Variants in CTNND2 observed in about 807,000 individuals in gnomAD.
CTNND2 encodes catenin delta 2.
CTNND2 carries 22 observed loss-of-function variants against 144.4 expected under a neutral mutation model. The observed-to-expected ratio is 0.15, with a 90% CI of 0.11 to 0.22. The LOEUF (loss-of-function observed/expected upper bound fraction) is 0.22, where lower values mean the gene tolerates loss of function less well. Among genes scored for constraint, CTNND2 ranks in the 10% least tolerant of loss-of-function variants. CTNND2 has a pLI of 1.00. For synonymous variants in CTNND2, 751 were observed against 695.6 expected, an observed-to-expected ratio of 1.08 and a Z score of -1.25; for missense variants, 1,353 against 1,618.8, an observed-to-expected ratio of 0.84 and a Z score of 2.82.
chr5:11,719,033 A>C (rs1786514029), intron 2 of CTNND2, among the ~76,000 whole-genome samples: 1 of 152,220 alleles, frequency 6.6e-6, no homozygotes, highest in African/African-American at 2.4e-5. Context: ...TGTGTTTGTA[A>C]AATGTGTGTT....
At chr5:11,705,373 G>A (rs184532700) in intron 2 of CTNND2, among the ~76,000 whole-genome samples, 9 of 152,272 alleles carry the variant, frequency 5.9e-5, no homozygotes, top group African/African-American at 2.2e-4. Flanking sequence ...AAGAGAAAAA[G>A]CTAATGTAAT....
intron 9 of CTNND2, among the ~76,000 whole-genome samples, chr5:11,259,668 C>T (rs1464351385): frequency 6.6e-6 from 1 of 152,118 alleles, no homozygotes; most frequent in Admixed American, 6.6e-5. Context: ...ATGTTGTTCT[C>T]GAGTCATGTT....
intron 7 of CTNND2, among the ~76,000 whole-genome samples, chr5:11,377,113 C>T (rs567566262): frequency 6.6e-5 from 10 of 151,456 alleles, no homozygotes; most frequent in South Asian, 6.3e-4. Context: ...TGCAATGGCA[C>T]GATCTTGGCT....
chr5:11,688,083 T>C (rs537680549), intron 2 of CTNND2, among the ~76,000 whole-genome samples: 6 of 152,254 alleles, frequency 3.9e-5, no homozygotes, highest in African/African-American at 1.4e-4. Context: ...CAGATCATAG[T>C]GGTTTGGGGG....
chr5:11,770,618 C>T (rs1247345533), intron 1 of CTNND2, among the ~76,000 whole-genome samples: 1 of 152,112 alleles, frequency 6.6e-6, no homozygotes, highest in Non-Finnish European at 1.5e-5. Context: ...CTTTCCTGCA[C>T]CCCTTCCCCT....
intron 16 of CTNND2, among the ~76,000 whole-genome samples, chr5:11,049,237 ACCT>A (rs1179338330): frequency 6.6e-6 from 1 of 151,946 alleles, no homozygotes; most frequent in Non-Finnish European, 1.5e-5. Flanking sequence ...TGCCTCAATA[ACCT>A]CCTAAGCTCC....
In CTNND2 at chr5:11,130,755, C is replaced by T. The variant is rs542540074; in HGVS notation, c.2160-13188G>A. ...AGGCATTGATTTTTTCATGACCGGA[C>T]GACGTCTCAAGCTTGGAGTAACGCC... On this transcript the variant is annotated intron_variant, in intron 12 of 21. Coordinates refer to ENST00000304623, the MANE Select transcript of CTNND2 (RefSeq NM_001332.4). Among the ~76,000 whole-genome samples the T allele has an allele frequency of 2.0e-4, 31 of 152,230 alleles. No homozygotes were observed. In the South Asian group the frequency reaches 4.6e-3, roughly 22 times the overall value.
At chr5:11,745,836 C>A (rs973524504) in intron 1 of CTNND2, among the ~76,000 whole-genome samples, 1 of 152,156 alleles carries the variant, frequency 6.6e-6, no homozygotes, top group Non-Finnish European at 1.5e-5. Context: ...ACAGAGGTTT[C>A]CAAACTTTCT....
At chr5:11,708,103 G>A (rs1394815201) in intron 2 of CTNND2, among the ~76,000 whole-genome samples, 1 of 151,336 alleles carries the variant, frequency 6.6e-6, no homozygotes, top group Admixed American at 6.6e-5. Context: ...TTGGAGTTCA[G>A]TGGTGTGTTC....
rs567664652 is a variant in CTNND2 at position 11,474,077 on chromosome 5, A to G, written c.288-62008T>C. Among the ~76,000 whole-genome samples the G allele has an allele frequency of 2.0e-5, 3 of 152,368 alleles. No homozygotes were observed. In the East Asian group the frequency reaches 5.8e-4, roughly 29 times the overall value. On this transcript the variant is annotated intron_variant, in intron 3 of 21. Transcript: ENST00000304623. ...GGGTCCACAAAAGGAGCACCTGTAT[A>G]TGATCATTATTTGGTTTAAACTGAC...
intron 16 of CTNND2, among the ~76,000 whole-genome samples, chr5:11,057,934 C>T (rs997218560): frequency 1.1e-4 from 17 of 152,176 alleles, no homozygotes; most frequent in Non-Finnish European, 2.1e-4. Context: ...TTTGCCCCTG[C>T]CCTAGAGATT....
rs4623143 is a variant in CTNND2, at chr5:11,728,248, G to A, written c.174+3888C>T. Among the ~76,000 whole-genome samples, 882 of 152,238 alleles carry A rather than the reference G, an allele frequency of 5.8e-3. 10 individuals are homozygous for A. The highest frequency in any genetic ancestry group is 0.02 in the African/African-American group (842 of 41,556). On this transcript the variant is annotated intron_variant, in intron 2 of 21. Transcript: ENST00000304623. Reference sequence around the variant, plus strand: ...AGCACTTTGGGAGGCCGAGGCTGGTGGGTCATGAGGTCAGGAGTTTGAGAC... The same window carrying A: ...AGCACTTTGGGAGGCCGAGGCTGGTAGGTCATGAGGTCAGGAGTTTGAGAC...
At chr5:11,886,975 C>CTTTTTTTTT (rs36178842) in intron 1 of CTNND2, among the ~76,000 whole-genome samples, 4 of 83,600 alleles carry the variant, frequency 4.8e-5, no homozygotes, top group Non-Finnish European at 7.2e-5. Context: ...TATCCTACTG[C>CTTTTTTTTT]TTTTTTTTTT....
intron 21 of CTNND2, among the ~76,000 whole-genome samples, chr5:10,975,283 G>A (rs1401014356): frequency 1.3e-5 from 2 of 152,266 alleles, no homozygotes; most frequent in East Asian, 3.9e-4. Context: ...TAGAAGTTTG[G>A]AAAAATTATA....
intron 5 of CTNND2, among the ~76,000 whole-genome samples, chr5:11,403,853 T>A (rs1760841009): frequency 6.6e-6 from 1 of 152,372 alleles, no homozygotes; most frequent in South Asian, 2.1e-4. Flanking sequence ...CTTTGATTTG[T>A]GACACATCAC....
intron 3 of CTNND2, among the ~76,000 whole-genome samples, chr5:11,529,071 A>ATGCAAATAGCT (rs1773516748): frequency 1.3e-5 from 2 of 152,202 alleles, no homozygotes; most frequent in Non-Finnish European, 2.9e-5. Context: ...AGGAAATAGC[A>ATGCAAATAGCT]ATGCGGAAAA....
At chr5:11,822,927 C>T (rs926740590) in intron 1 of CTNND2, among the ~76,000 whole-genome samples, 12 of 152,094 alleles carry the variant, frequency 7.9e-5, no homozygotes, top group African/African-American at 2.9e-4. Context: ...TCCTTACACA[C>T]AGAAACCATA....
intron 9 of CTNND2, among the ~76,000 whole-genome samples, chr5:11,316,465 TTTTTTATTATTA>T (rs1344839662): frequency 0.022 from 1,802 of 83,462 alleles, 42 homozygotes; most frequent in South Asian, 0.069. Flanking sequence ...TTATCCACTA[TTTTTTATTATTA>T]TTATTATTAT....
chr5:11,187,195 C>T (rs1735721632), intron 11 of CTNND2, among the ~76,000 whole-genome samples: 1 of 152,112 alleles, frequency 6.6e-6, no homozygotes, highest in Non-Finnish European at 1.5e-5. Flanking sequence ...TAAATGTTAG[C>T]AGTCTAATCT....
Sources: allele counts gnomAD v4.1 joint callset (sites outside exome capture counted in the v4.1 genomes callset), GRCh38; gene constraint gnomAD v4.1.1; transcripts MANE v1.5; gene names NCBI Gene and HGNC (gene_info 2026-07-23, HGNC 2026-07-21).